PCSK6: variants seen among roughly 807,000 people sequenced by gnomAD.
PCSK6 encodes paired basic amino acid cleaving enzyme 4.
Under a neutral mutation model 123.3 loss-of-function variants are expected in PCSK6, and 85 were observed. The observed-to-expected ratio is 0.69, with a 90% CI of 0.58 to 0.83. The LOEUF (loss-of-function observed/expected upper bound fraction) is 0.83. Ranked by LOEUF, PCSK6 falls within the 40% of genes least tolerant of loss-of-function variation. The pLI is 0.00. For missense variants in PCSK6, 1,191 were observed against 1,282.3 expected, an observed-to-expected ratio of 0.93 and a Z score of 1.09; for synonymous variants, 508 against 516.0, an observed-to-expected ratio of 0.98 and a Z score of 0.21.
At chr15:101,308,058 G>A (rs2039765934) in intron 20 of PCSK6, 1 of 152,296 alleles carries the variant, frequency 6.6e-6, no homozygotes, top group South Asian at 2.1e-4. Flanking sequence ...CTGTGACAGA[G>A]GCAGTGTGGC....
intron 16 of PCSK6, among the ~76,000 whole-genome samples, chr15:101,325,603 C>T (rs181483300): frequency 2.6e-5 from 4 of 152,318 alleles, no homozygotes; most frequent in African/African-American, 9.6e-5. Flanking sequence ...GTCCTGTCAT[C>T]GTGGCCTCTG....
intron 13 of PCSK6, among the ~76,000 whole-genome samples, chr15:101,353,678 A>T (rs1342248409): frequency 6.6e-6 from 1 of 152,252 alleles, no homozygotes; most frequent in Non-Finnish European, 1.5e-5. Flanking sequence ...AACCAGAAAT[A>T]TCCTGAAGCC....
chr15:101,393,335 G>C lies in PCSK6; in HGVS notation c.1086C>G (p.Asn362Lys). ...TGCTGACGGAGATGGTGTAGATGCT[G>C]TTGGTGTAGCCATCGCACGAGCAGT... ...GDYCSCDGYT[N>K]SIYTISVSSA... The change falls in exon 8 of 22, where the codon AAC (asparagine) becomes AAG (lysine). Residue 362 changes from asparagine to lysine, a missense_variant. Transcript: ENST00000611716. The C allele has an allele frequency of 6.2e-7, 1 of 1,611,022 alleles. No individual in the cohort carries two copies. Among genetic ancestry groups the C allele is most frequent in the Non-Finnish European group, 8.5e-7 (1 of 1,178,516 alleles).
chr15:101,361,969 T>TTG (rs1314762585), intron 13 of PCSK6, among the ~76,000 whole-genome samples: 1 of 149,462 alleles, frequency 6.7e-6, no homozygotes, highest in Non-Finnish European at 1.5e-5. Context: ...TTTTTTTTTT[T>TTG]TTTTTGAGTT....
chr15:101,309,221 G>C (rs1471170449), intron 20 of PCSK6: 2 of 152,676 alleles, frequency 1.3e-5, no homozygotes, highest in Non-Finnish European at 2.9e-5. Context: ...GTGGTGGCCA[G>C]GCTGGGCTCT....
At chr15:101,481,267 C>A (rs34371225) in intron 1 of PCSK6, among the ~76,000 whole-genome samples, 3 of 147,734 alleles carry the variant, frequency 2.0e-5, no homozygotes, top group Non-Finnish European at 4.5e-5. Flanking sequence ...CGGGGTGAGT[C>A]GGCTGATGGA....
At position 101,389,932 on chromosome 15, in the gene PCSK6, T is replaced by C. The variant is rs562349609; in HGVS notation, c.1210-368A>G. Among the ~76,000 whole-genome samples, 20 of 152,260 alleles carry C rather than the reference T, an allele frequency of 1.3e-4. 1 individual carries two copies. The South Asian group carries it at 4.2e-3, about 32-fold the overall frequency. ...CCCTCATCCCTGGGTCTGCCGGACT[T>C]TGTGGCCTGTCACCAACAGCCGAGA... is the stretch of plus-strand genomic sequence containing the variant. On this transcript the variant is annotated intron_variant, in intron 8 of 21. Coordinates refer to ENST00000611716, the MANE Select transcript of PCSK6 (RefSeq NM_002570.5).
chr15:101,486,933 G>T (rs750154874), intron 1 of PCSK6, among the ~76,000 whole-genome samples: 2 of 152,200 alleles, frequency 1.3e-5, no homozygotes, highest in Non-Finnish European at 2.9e-5. Flanking sequence ...ACTGTCAGAG[G>T]TGACATATGC....
At chr15:101,368,220 A>G (rs1411008712) in intron 12 of PCSK6, among the ~76,000 whole-genome samples, 1 of 152,192 alleles carries the variant, frequency 6.6e-6, no homozygotes, top group Non-Finnish European at 1.5e-5. Flanking sequence ...TCCCAAGGGC[A>G]CAACACTGGG....
At chr15:101,470,187 T>C (rs1328896067) in intron 1 of PCSK6, among the ~76,000 whole-genome samples, 1 of 152,192 alleles carries the variant, frequency 6.6e-6, no homozygotes. Context: ...GTTCACATAT[T>C]TTACCATAGT....
intron 1 of PCSK6, among the ~76,000 whole-genome samples, chr15:101,471,994 A>G (rs2057616302): frequency 6.6e-6 from 1 of 151,974 alleles, no homozygotes; most frequent in African/African-American, 2.4e-5. Context: ...TTGTTTTTCC[A>G]TTCTCCTATG....
chr15:101,331,214 C>T (rs2040364222), intron 15 of PCSK6, among the ~76,000 whole-genome samples: 1 of 152,344 alleles, frequency 6.6e-6, no homozygotes, highest in Non-Finnish European at 1.5e-5. Flanking sequence ...CAGGGCCCAC[C>T]TTGGCAATGG....
rs146204730 is a variant in PCSK6 at position 101,481,227 on chromosome 15, C to T, written c.297+8147G>A. On this transcript the variant is annotated intron_variant, in intron 1 of 21. Transcript: ENST00000611716. ...GTGGCAGGGGGCCTGGGGGCCCAGA[C>T]GAAGGGTACATCCGGCGGGCTGGGG... Among the ~76,000 whole-genome samples the T allele has an allele frequency of 2.8e-4, 43 of 151,940 alleles. 2 individuals are homozygous for T. Among genetic ancestry groups the T allele is most frequent in the South Asian group, 1.0e-3 (5 of 4,806 alleles).
intron 11 of PCSK6, among the ~76,000 whole-genome samples, chr15:101,377,368 G>A (rs1369535513): frequency 6.6e-6 from 1 of 152,146 alleles, no homozygotes; most frequent in African/African-American, 2.4e-5. Flanking sequence ...AGTACCGCCT[G>A]AGCTCCTACC....
At chr15:101,443,458 T>G (rs1030191551) in intron 2 of PCSK6, 98 bp downstream of exon 2, 2 of 802,382 alleles carry the variant, frequency 2.5e-6, no homozygotes, top group African/African-American at 3.4e-5. Context: ...GGAAAACTCA[T>G]GTCTATCCAG....
intron 13 of PCSK6, among the ~76,000 whole-genome samples, chr15:101,341,990 C>T (rs763537561): frequency 4.0e-5 from 6 of 151,726 alleles, no homozygotes; most frequent in Admixed American, 1.3e-4. Flanking sequence ...ATTAGCCGGG[C>T]GCGGTGGTGC....
rs1488904624 is a variant in PCSK6 at position 101,326,421 on chromosome 15, G to C, written c.2136C>G (p.Cys712Trp). 2.5e-6 allele frequency: 4 copies of C among 1,585,412 alleles called. No individual in the cohort carries two copies. Among genetic ancestry groups the C allele is most frequent in the Admixed American group, 1.8e-5 (1 of 56,058 alleles). Residue 712 changes from cysteine (C) to tryptophan (W), a missense_variant, in exon 16 of 22, where the codon TGC (cysteine) becomes TGG (tryptophan). Around this residue, in one of 3 missense-constraint regions of PCSK6, gnomAD observed 630 missense variants for 631.4 expected, o/e 1.00. Transcript: ENST00000611716. ...CCAGGCTGAAGTGGACGCAGTTCAAGCACTGGTCTGCATTGGGGCCATCAC... is the reference window on the plus strand; with the variant it reads ...CCAGGCTGAAGTGGACGCAGTTCAACCACTGGTCTGCATTGGGGCCATCAC... ...KGCDGPNADQ[C>W]LNCVHFSLGS... is the part of the protein sequence containing the mutation.
chr15:101,326,967 C>A (rs1233754822), intron 15 of PCSK6, among the ~76,000 whole-genome samples: 1 of 152,060 alleles, frequency 6.6e-6, no homozygotes, highest in Non-Finnish European at 1.5e-5. Flanking sequence ...ATTAGGTAGC[C>A]CCCCCGCAAC....
At chr15:101,375,193 T>A (rs534690022) in intron 11 of PCSK6, among the ~76,000 whole-genome samples, 2 of 152,280 alleles carry the variant, frequency 1.3e-5, no homozygotes, top group South Asian at 4.1e-4. Flanking sequence ...CCTCAGGCGA[T>A]CCGCCCGCCT....
Sources: gnomAD v4.1 joint callset for allele counts (sites outside exome capture counted in the v4.1 genomes callset) on GRCh38, gnomAD v4.1.1 for gene constraint, gnomAD v4.1.1 regional missense constraint, MANE v1.5 for transcripts, NCBI Gene and HGNC (gene_info 2026-07-23, HGNC 2026-07-21) for gene names.